The following DIS3L2 variants were observed in gnomAD, a reference collection of about 807,000 sequenced individuals.
DIS3L2 encodes DIS3-like exonuclease 2.
DIS3L2 carries 34 observed loss-of-function variants against 97.5 expected under a neutral mutation model. The observed-to-expected ratio is 0.35, with a 90% CI of 0.27 to 0.46. The LOEUF is 0.46. Among genes scored for constraint, DIS3L2 ranks in the 20% least tolerant of loss-of-function variants. The probability of loss-of-function intolerance (pLI) is 1.00; values close to 1 mark genes in which losing one functional copy is unlikely to be tolerated. For synonymous variants in DIS3L2, 435 were observed against 445.2 expected, an observed-to-expected ratio of 0.98 and a Z score of 0.29; for missense variants, 1,038 against 1,146.0, an observed-to-expected ratio of 0.91 and a Z score of 1.36.
intron 6 of DIS3L2, among the ~76,000 whole-genome samples, chr2:232,123,762 G>A (rs1697974522): frequency 6.6e-6 from 1 of 152,206 alleles, no homozygotes; most frequent in Admixed American, 6.5e-5. Context: ...ATAAGACATT[G>A]TAGGTTTGAC....
chr2:231,983,687 A>G (rs1162625956), intron 1 of DIS3L2, among the ~76,000 whole-genome samples: 1 of 152,120 alleles, frequency 6.6e-6, no homozygotes, highest in Non-Finnish European at 1.5e-5. Context: ...TCAGGAGATC[A>G]AGACCATCCT....
intron 13 of DIS3L2, among the ~76,000 whole-genome samples, chr2:232,284,440 C>T (rs1370660261): frequency 6.6e-6 from 1 of 152,208 alleles, no homozygotes; most frequent in African/African-American, 2.4e-5. Flanking sequence ...GTATCATCTT[C>T]GATACCACGA....
At chr2:232,054,484 A>T (rs1024922241) in intron 5 of DIS3L2, among the ~76,000 whole-genome samples, 6 of 152,158 alleles carry the variant, frequency 3.9e-5, no homozygotes, top group Non-Finnish European at 8.8e-5. Flanking sequence ...TGAAAGGAAA[A>T]TTTTTTTCTT....
intron 3 of DIS3L2, 74 bp from the exon 4 acceptor site, chr2:232,024,203 T>C: frequency 8.9e-7 from 1 of 1,122,464 alleles, no homozygotes; most frequent in Non-Finnish European, 1.3e-6. Context: ...AAACTTTTTA[T>C]TGGAGAATAA....
intron 8 of DIS3L2, among the ~76,000 whole-genome samples, chr2:232,146,906 C>T (rs1389633194): frequency 1.3e-5 from 2 of 152,152 alleles, no homozygotes; most frequent in Non-Finnish European, 2.9e-5. Context: ...TAAAAAGTCA[C>T]TCAGAATCCT....
At chr2:232,028,007 A>G (rs1440814824) in intron 4 of DIS3L2, among the ~76,000 whole-genome samples, 1 of 152,186 alleles carries the variant, frequency 6.6e-6, no homozygotes, top group Non-Finnish European at 1.5e-5. Context: ...GAAGCTCTCT[A>G]ACTTTTTAAT....
chr2:232,329,955 A>G lies in DIS3L2; in HGVS notation c.1882A>G (p.Met628Val). The G allele has an allele frequency of 3.1e-6, 5 of 1,612,782 alleles. No homozygotes were observed. Among genetic ancestry groups the G allele is most frequent in the Non-Finnish European group, 4.2e-6 (5 of 1,179,594 alleles). The stretch of plus-strand genomic sequence containing the variant: ...TGACCTGGTGGAATTCTGCGACCAG[A>G]TGGGGCTGCCCGTGGACTTCAGCTC... ...LSDLVEFCDQ[M>V]GLPVDFSSAG... The change falls in exon 15 of 21, where the codon ATG becomes GTG. Residue 628 changes from methionine to valine, a missense_variant. Physicochemically the swap from Met to Val is conservative, Grantham distance 21. Around this residue, in one of 3 missense-constraint regions of DIS3L2, gnomAD observed 813 missense variants for 880.1 expected, o/e 0.92. Coordinates refer to ENST00000325385, the MANE Select transcript of DIS3L2 (RefSeq NM_152383.5).
intron 14 of DIS3L2, 27 bp from the exon 15 acceptor site, chr2:232,329,786 C>CCCCGGGCCG: frequency 2.3e-6 from 1 of 430,238 alleles, no homozygotes; most frequent in Non-Finnish European, 4.2e-6. Context: ...CCCCAGCGGT[C>CCCCGGGCCG]CCTCCCATCC....
Position 232,210,521 on chromosome 2 carries a change from G to A in DIS3L2, c.1204+116G>A, listed in dbSNP as rs565046487. 229 of 934,144 alleles carry A rather than the reference G, an allele frequency of 2.5e-4. 2 individuals carry two copies. In the South Asian group the frequency reaches 2.7e-3, roughly 11 times the overall value. 57.9% of individuals were successfully genotyped at this position (934,144 alleles called of 1,614,324 possible). ...TACTGTGCAAGGCTAGGTTTGCTTC[G>A]TGCCTGAACTTGCCATAGGCCTCTG... On this transcript the variant is annotated intron_variant, in intron 10 of 20. Coordinates refer to ENST00000325385, the MANE Select transcript of DIS3L2 (RefSeq NM_152383.5).
intron 10 of DIS3L2, among the ~76,000 whole-genome samples, chr2:232,232,740 A>G (rs1032380246): frequency 3.3e-5 from 5 of 152,214 alleles, no homozygotes; most frequent in African/African-American, 1.2e-4. Flanking sequence ...GTATACATCA[A>G]TCTGAAGCTC....
At chr2:232,064,553 T>C (rs1695800920) in intron 5 of DIS3L2, among the ~76,000 whole-genome samples, 1 of 152,184 alleles carries the variant, frequency 6.6e-6, no homozygotes, top group African/African-American at 2.4e-5. Flanking sequence ...GTTAAGTAGG[T>C]ACCTGGATGT....
chr2:232,181,431 C>T (rs1264617180), intron 9 of DIS3L2, among the ~76,000 whole-genome samples: 1 of 152,110 alleles, frequency 6.6e-6, no homozygotes, highest in Non-Finnish European at 1.5e-5. Flanking sequence ...CCATTCTCCC[C>T]ATCACTTTCA....
intron 17 of DIS3L2, 27 bp from the exon 18 acceptor site, chr2:232,334,342 C>T: frequency 1.2e-6 from 2 of 1,611,102 alleles, no homozygotes; most frequent in Admixed American, 1.7e-5. Context: ...CAGGCTCCCA[C>T]TCTCATGCCT....
intron 13 of DIS3L2, among the ~76,000 whole-genome samples, chr2:232,288,216 A>G (rs1694498048): frequency 6.6e-6 from 1 of 152,228 alleles, no homozygotes; most frequent in South Asian, 2.1e-4. Flanking sequence ...AGGAAGCAGA[A>G]TTAGCACGGA....
At chr2:232,256,891 G>T (rs192862654) in intron 12 of DIS3L2, among the ~76,000 whole-genome samples, 2 of 152,288 alleles carry the variant, frequency 1.3e-5, no homozygotes, top group Admixed American at 1.3e-4. Flanking sequence ...GCTGAGGTGG[G>T]CAGATCACCT....
At chr2:232,015,051 GA>G in intron 2 of DIS3L2, 72 bp downstream of exon 2, 1 of 1,522,644 alleles carries the variant, frequency 6.6e-7, no homozygotes, top group Non-Finnish European at 9.1e-7. Flanking sequence ...GTGTGAAGTG[GA>G]GGCTGTCTTT....
intron 6 of DIS3L2, among the ~76,000 whole-genome samples, chr2:232,112,384 T>C (rs552068301): frequency 6.6e-6 from 1 of 152,318 alleles, no homozygotes; most frequent in Non-Finnish European, 1.5e-5. Context: ...TTTATGTTAC[T>C]TGCTGGGGAA....
At chr2:232,063,903 T>G (rs866862960) in intron 5 of DIS3L2, among the ~76,000 whole-genome samples, 37 of 152,180 alleles carry the variant, frequency 2.4e-4, no homozygotes, top group African/African-American at 8.4e-4. Context: ...TAAATATTTC[T>G]TGGATTTTAA....
intron 13 of DIS3L2, among the ~76,000 whole-genome samples, chr2:232,266,314 T>A (rs1256582594): frequency 6.6e-6 from 1 of 152,212 alleles, no homozygotes; most frequent in African/African-American, 2.4e-5. Flanking sequence ...TCTCAATTTA[T>A]CAGTTAGAGA....
Sources: gnomAD v4.1 joint callset for allele counts (sites outside exome capture counted in the v4.1 genomes callset) on GRCh38, gnomAD v4.1.1 for gene constraint, gnomAD v4.1.1 regional missense constraint, MANE v1.5 for transcripts, NCBI Gene and HGNC (gene_info 2026-07-23, HGNC 2026-07-21) for gene names.